Variants in BBS9 observed in about 807,000 individuals in gnomAD.
BBS9 encodes protein PTHB1.
BBS9 carries 89 observed loss-of-function variants against 117.7 expected under a neutral mutation model. The ratio of observed to expected loss-of-function variants is 0.76; its 90% confidence interval spans 0.64 to 0.90. The LOEUF is 0.90. Among genes scored for constraint, BBS9 ranks in the 40% least tolerant of loss-of-function variants. The pLI is 0.00. For synonymous variants in BBS9, 379 were observed against 370.9 expected (o/e 1.02, Z -0.25); for missense variants, 982 against 1,042.2 (o/e 0.94, Z 0.80).
intron 19 of BBS9, among the ~76,000 whole-genome samples, chr7:33,454,019 C>T (rs1453184590): frequency 6.6e-6 from 1 of 151,842 alleles, no homozygotes; most frequent in African/African-American, 2.4e-5. Flanking sequence ...ACCTTTAATC[C>T]CCTCATTGTT....
chr7:33,314,911 G>T (rs978950455), intron 9 of BBS9, among the ~76,000 whole-genome samples: 8 of 152,192 alleles, frequency 5.3e-5, no homozygotes, highest in African/African-American at 1.7e-4. Flanking sequence ...TTGGGAGAGA[G>T]AATTTTTAAA....
At chr7:33,531,877 G>A (rs1292597234) in intron 20 of BBS9, among the ~76,000 whole-genome samples, 1 of 152,176 alleles carries the variant, frequency 6.6e-6, no homozygotes, top group Non-Finnish European at 1.5e-5. Flanking sequence ...AAATGATCCT[G>A]GGAAAACCCC....
At chr7:33,496,376 G>A (rs1228825210) in intron 19 of BBS9, among the ~76,000 whole-genome samples, 1 of 152,002 alleles carries the variant, frequency 6.6e-6, no homozygotes. Flanking sequence ...GTGGTGGTGG[G>A]CACCTGTAAT....
chr7:33,414,791 A>G (rs1831707001), intron 19 of BBS9, among the ~76,000 whole-genome samples: 1 of 152,202 alleles, frequency 6.6e-6, no homozygotes, highest in Non-Finnish European at 1.5e-5. Flanking sequence ...TTTTCTTAGA[A>G]TAAATTTTTA....
intron 15 of BBS9, among the ~76,000 whole-genome samples, chr7:33,353,478 G>A (rs1015774219): frequency 1.3e-5 from 2 of 152,058 alleles, no homozygotes; most frequent in Non-Finnish European, 2.9e-5. Context: ...ACTTAATTAA[G>A]TTTGTTCCTT....
At chr7:33,491,852 GTTA>G (rs1188334890) in intron 19 of BBS9, among the ~76,000 whole-genome samples, 1 of 152,096 alleles carries the variant, frequency 6.6e-6, no homozygotes, top group Non-Finnish European at 1.5e-5. Context: ...CAAAGGGAGT[GTTA>G]TTATTGTCTT....
chr7:33,314,191 C>A (rs975618563), intron 9 of BBS9: 1 of 371,972 alleles, frequency 2.7e-6, no homozygotes, highest in Non-Finnish European at 5.1e-6. Flanking sequence ...ATCATGTCTT[C>A]TTTTATGTGT....
chr7:33,334,412 G>A (rs1242932516), intron 9 of BBS9, among the ~76,000 whole-genome samples: 6 of 152,260 alleles, frequency 3.9e-5, no homozygotes, highest in African/African-American at 1.2e-4. Flanking sequence ...AGAGGTCTGC[G>A]CTTTAGCACC....
At chr7:33,264,156 AT>A (rs1798408754) in intron 6 of BBS9, 133 bp from the exon 7 acceptor site, 1 of 399,866 alleles carries the variant, frequency 2.5e-6, no homozygotes, top group Non-Finnish European at 4.3e-6. Context: ...TCAATCTTAA[AT>A]TTTAGAGTTT....
intron 21 of BBS9, among the ~76,000 whole-genome samples, chr7:33,537,855 G>A (rs7798562): frequency 0.15 from 22,076 of 152,092 alleles, 1,754 homozygotes; most frequent in African/African-American, 0.21. Context: ...ATACATGAGT[G>A]GGCCTAACTC....
At chr7:33,284,252 C>T (rs2128381041) in intron 9 of BBS9, among the ~76,000 whole-genome samples, 1 of 152,226 alleles carries the variant, frequency 6.6e-6, no homozygotes, top group African/African-American at 2.4e-5. Flanking sequence ...TTGATTGTGA[C>T]TGTAGTCATT....
rs1822654621 is a variant in BBS9, at chr7:33,370,490, A to T, written c.1789+2628A>T. On this transcript the variant is annotated intron_variant, in intron 17 of 22. Coordinates refer to ENST00000242067, the MANE Select transcript of BBS9 (RefSeq NM_198428.3). ...GTCTCAAAAAAAAAAGTAGTGCTTA[A>T]ATTTGGGAAAAATATGCTAGCAACA... Among the ~76,000 whole-genome samples the T allele has an allele frequency of 2.0e-5, 3 of 152,124 alleles. No homozygotes were observed. In the South Asian group the frequency reaches 6.2e-4, roughly 32 times the overall value.
At chr7:33,477,170 G>A (rs1228541297) in intron 19 of BBS9, among the ~76,000 whole-genome samples, 4 of 152,170 alleles carry the variant, frequency 2.6e-5, no homozygotes, top group African/African-American at 9.6e-5. Flanking sequence ...TTGTTGGGAA[G>A]ATTAAGGGAA....
intron 21 of BBS9, among the ~76,000 whole-genome samples, chr7:33,551,053 G>T (rs1328969753): frequency 1.3e-5 from 2 of 152,148 alleles, no homozygotes; most frequent in African/African-American, 4.8e-5. Context: ...ACTTTCAGAA[G>T]TTATGATTTA....
intron 9 of BBS9, among the ~76,000 whole-genome samples, chr7:33,315,415 A>T (rs1317737488): frequency 6.6e-6 from 1 of 152,138 alleles, no homozygotes; most frequent in Non-Finnish European, 1.5e-5. Flanking sequence ...GCTTGTCTTA[A>T]TTCGGAATGA....
At chr7:33,188,479 G>C (rs971888013) in intron 5 of BBS9, among the ~76,000 whole-genome samples, 3 of 152,202 alleles carry the variant, frequency 2.0e-5, no homozygotes, top group Non-Finnish European at 2.9e-5. Context: ...CTTTAATGGA[G>C]AAGGATATAG....
intron 6 of BBS9, among the ~76,000 whole-genome samples, chr7:33,260,166 A>C (rs1175640692): frequency 6.6e-6 from 1 of 151,908 alleles, no homozygotes; most frequent in East Asian, 1.9e-4. Context: ...CGCCCAGCTA[A>C]TTACTTTTGT....
intron 21 of BBS9, among the ~76,000 whole-genome samples, chr7:33,557,033 C>G (rs1033328915): frequency 1.3e-5 from 2 of 152,122 alleles, no homozygotes; most frequent in African/African-American, 4.8e-5. Flanking sequence ...CTTTTCTGAG[C>G]CTTTGTCATT....
At chr7:33,629,226 G>A (rs892506923) in intron 21 of BBS9, among the ~76,000 whole-genome samples, 9 of 152,168 alleles carry the variant, frequency 5.9e-5, no homozygotes, top group African/African-American at 1.2e-4. Context: ...TGAGGAGAAT[G>A]TACATTTTGT....
Sources: allele counts gnomAD v4.1 joint callset (sites outside exome capture counted in the v4.1 genomes callset), GRCh38; gene constraint gnomAD v4.1.1; transcripts MANE v1.5; gene names NCBI Gene and HGNC (gene_info 2026-07-23, HGNC 2026-07-21).